The following KDM4B variants were observed in gnomAD, a reference collection of about 807,000 sequenced individuals.
The protein encoded by KDM4B is lysine-specific demethylase 4B.
In KDM4B, 32 loss-of-function variants were observed where a neutral mutation model predicts 125.2. The observed-to-expected ratio is 0.26, with a 90% confidence interval of 0.19 to 0.34. KDM4B has a LOEUF of 0.34. Ranked by LOEUF, KDM4B falls within the 10% of genes least tolerant of loss-of-function variation. The pLI is 1.00. For missense variants in KDM4B, 1,190 were observed against 1,577.7 expected (o/e 0.75, Z 4.16); for synonymous variants, 721 against 677.9 (o/e 1.06, Z -0.99).
intron 2 of KDM4B, among the ~76,000 whole-genome samples, chr19:5,031,745 C>A (rs1043018502): frequency 6.6e-6 from 1 of 152,182 alleles, no homozygotes; most frequent in Non-Finnish European, 1.5e-5. Context: ...TGGGGCCTCC[C>A]TGCCGTCCTG....
chr19:5,083,713 G>A (rs1004264371), intron 9 of KDM4B, among the ~76,000 whole-genome samples: 7 of 152,180 alleles, frequency 4.6e-5, no homozygotes, highest in South Asian at 2.1e-4. Flanking sequence ...CCCTCCCGGC[G>A]TCTCCCTCTG....
In KDM4B at chr19:5,047,794, A is replaced by G. The variant is rs150595403; in HGVS notation, c.626+125A>G. On this transcript the variant is annotated intron_variant, in intron 6 of 22. Transcript: ENST00000159111. ...CAGGTGAGGCCGCAAAGGTCGGCCT[A>G]TGACGGCTGGAGATCTTCCGGACCG... The G allele has an allele frequency of 5.8e-4, 528 of 916,852 alleles. 3 individuals carry two copies. The African/African-American group carries it at 6.7e-3, about 12-fold the overall frequency. 56.8% of individuals were successfully genotyped at this position (916,852 alleles called of 1,614,324 possible).
At chr19:5,083,281 A>G (rs953005547) in intron 9 of KDM4B, among the ~76,000 whole-genome samples, 2 of 152,198 alleles carry the variant, frequency 1.3e-5, no homozygotes, top group East Asian at 1.9e-4. Context: ...TAGGAAGCCC[A>G]CAAGAGCTGC....
chr19:4,977,184 C>T (rs891306973), intron 1 of KDM4B, among the ~76,000 whole-genome samples: 14 of 152,210 alleles, frequency 9.2e-5, no homozygotes, highest in African/African-American at 3.4e-4. Flanking sequence ...CAGCCATCTC[C>T]GCCCTGCTGG....
intron 6 of KDM4B, among the ~76,000 whole-genome samples, chr19:5,053,229 G>C (rs918477949): frequency 3.9e-5 from 6 of 152,240 alleles, no homozygotes; most frequent in Non-Finnish European, 8.8e-5. Flanking sequence ...CCCTGGCGAG[G>C]GTGCCTAGGG....
At chr19:5,062,370 C>T (rs920572793) in intron 6 of KDM4B, among the ~76,000 whole-genome samples, 2 of 152,258 alleles carry the variant, frequency 1.3e-5, no homozygotes, top group Non-Finnish European at 2.9e-5. Flanking sequence ...CGGTAGCATG[C>T]CTTTCCTGCT....
At chr19:5,041,691 G>C (rs1239299420) in intron 5 of KDM4B, among the ~76,000 whole-genome samples, 1 of 152,262 alleles carries the variant, frequency 6.6e-6, no homozygotes, top group Non-Finnish European at 1.5e-5. Context: ...CCCATCCCGA[G>C]CCTGGTCTGC....
chr19:5,008,666 C>T (rs1018381906), intron 1 of KDM4B, among the ~76,000 whole-genome samples: 20 of 150,008 alleles, frequency 1.3e-4, no homozygotes, highest in Non-Finnish European at 1.3e-4. Context: ...TCTCAATTCA[C>T]GGTAACCTCT....
intron 1 of KDM4B, among the ~76,000 whole-genome samples, chr19:4,975,646 G>T (rs905018558): frequency 2.0e-5 from 3 of 151,076 alleles, no homozygotes; most frequent in Non-Finnish European, 4.4e-5. Flanking sequence ...AGGCTGGGGC[G>T]CAGTGGGCTG....
intron 2 of KDM4B, among the ~76,000 whole-genome samples, chr19:5,018,948 G>C (rs34889187): frequency 0.22 from 33,408 of 152,266 alleles, 4,086 homozygotes; most frequent in Middle Eastern, 0.39. Context: ...CGGGCGACCT[G>C]CTCCCCTGCT....
At chr19:5,143,015 C>T (rs983951056) in intron 18 of KDM4B, among the ~76,000 whole-genome samples, 13 of 152,208 alleles carry the variant, frequency 8.5e-5, no homozygotes, top group African/African-American at 3.1e-4. Context: ...AGGCTTCTCT[C>T]AGGGCTTCTT....
intron 6 of KDM4B, among the ~76,000 whole-genome samples, chr19:5,054,485 T>C (rs1254449152): frequency 6.9e-6 from 1 of 145,466 alleles, no homozygotes; most frequent in African/African-American, 2.6e-5. Flanking sequence ...TGTGTGTGTG[T>C]GTGTGCGCGC....
At chr19:5,116,724 C>T (rs1423535624) in intron 10 of KDM4B, among the ~76,000 whole-genome samples, 2 of 152,220 alleles carry the variant, frequency 1.3e-5, no homozygotes, top group Non-Finnish European at 2.9e-5. Flanking sequence ...AGTTCCAGAC[C>T]CCAGGGTGGG....
chr19:5,042,205 T>G (rs1041549496), intron 5 of KDM4B, among the ~76,000 whole-genome samples: 9 of 152,222 alleles, frequency 5.9e-5, no homozygotes, highest in African/African-American at 2.2e-4. Context: ...TGCACTGCTA[T>G]AAAGAAATAA....
At position 5,078,702 on chromosome 19, in the gene KDM4B, A is replaced by T. The variant is rs546969882; in HGVS notation, c.780+1232A>T. 6.6e-6 allele frequency: 1 copy of T among 151,900 alleles called. No homozygotes were observed. Among genetic ancestry groups the T allele is most frequent in the South Asian group, 2.1e-4 (1 of 4,784 alleles). 9.4% of individuals were successfully genotyped at this position (151,900 alleles called of 1,614,324 possible). On this transcript the variant is annotated intron_variant, in intron 8 of 22. Transcript: ENST00000159111. The surrounding 1 kb of genome is among the most constrained non-coding windows in gnomAD (Gnocchi z 4.5). ...GGTGGGCAGGCAGTGAGTGGCCTGG[A>T]CTCCCAGGTCAGCATCTGTATCGCA...
chr19:4,982,068 A>T (rs965513890), intron 1 of KDM4B, among the ~76,000 whole-genome samples: 10 of 152,206 alleles, frequency 6.6e-5, no homozygotes, highest in Non-Finnish European at 1.5e-5. Flanking sequence ...AGGTGGGCAG[A>T]TCACCTGAGG....
At chr19:5,045,322 A>G (rs933712648) in intron 5 of KDM4B, among the ~76,000 whole-genome samples, 3 of 152,064 alleles carry the variant, frequency 2.0e-5, no homozygotes, top group Admixed American at 6.6e-5. Context: ...GCCCCTTTGC[A>G]TGCCTGTTTG....
At chr19:5,123,027 C>G (rs999655324) in intron 11 of KDM4B, among the ~76,000 whole-genome samples, 5 of 152,268 alleles carry the variant, frequency 3.3e-5, no homozygotes, top group Non-Finnish European at 2.9e-5. Flanking sequence ...AGACCCCCTG[C>G]TGGTGGGGCA....
chr19:5,000,172 G>C (rs1454151016), intron 1 of KDM4B, among the ~76,000 whole-genome samples: 1 of 59,508 alleles, frequency 1.7e-5, no homozygotes, highest in African/African-American at 7.4e-5. Flanking sequence ...CTATCCACCT[G>C]TCCACCCACC....
Sources: allele counts gnomAD v4.1 joint callset (sites outside exome capture counted in the v4.1 genomes callset), GRCh38; gene constraint gnomAD v4.1.1; non-coding constraint Gnocchi (gnomAD v3.1); transcripts MANE v1.5; gene names NCBI Gene and HGNC (gene_info 2026-07-23, HGNC 2026-07-21).